The following OCA2 variants were observed in gnomAD, a reference collection of about 807,000 sequenced individuals.
OCA2 encodes P protein.
OCA2 carries 77 observed loss-of-function variants against 100.2 expected under a neutral mutation model. The ratio of observed to expected loss-of-function variants is 0.77; its 90% CI spans 0.64 to 0.93. The LOEUF (loss-of-function observed/expected upper bound fraction) is 0.93. Ranked by LOEUF, OCA2 falls within the 40% of genes least tolerant of loss-of-function variation. The pLI is 0.00. For missense variants in OCA2, 1,062 were observed against 1,089.1 expected (o/e 0.98, Z 0.35); for synonymous variants, 432 against 439.2 (o/e 0.98, Z 0.21).
In OCA2 at chr15:27,917,533, C is replaced by A. The variant is rs574853271; in HGVS notation, c.2079+8594G>T. On this transcript the variant is annotated intron_variant, in intron 19 of 23. Coordinates refer to ENST00000354638, the MANE Select transcript of OCA2 (RefSeq NM_000275.3). ...ATCTCTGAGCATCCCCACTGGAGTG[C>A]TCTCATGGTCCTGTGATATTCATGG... Among the ~76,000 whole-genome samples, 8 of 152,314 alleles carry A rather than the reference C, an allele frequency of 5.3e-5. No individual in the cohort carries two copies. In the South Asian group the frequency reaches 1.7e-3, roughly 32 times the overall value.
chr15:28,056,937 G>A (rs1000000182), intron 2 of OCA2, among the ~76,000 whole-genome samples: 1 of 152,250 alleles, frequency 6.6e-6, no homozygotes, highest in Admixed American at 6.5e-5. Context: ...TGCCTCTGGT[G>A]CATGTGTGAC....
chr15:28,068,577 C>T (rs1354138267), intron 2 of OCA2, among the ~76,000 whole-genome samples: 1 of 152,236 alleles, frequency 6.6e-6, no homozygotes, highest in Non-Finnish European at 1.5e-5. Flanking sequence ...AGGGGCTCTG[C>T]CCCAACTCAC....
chr15:28,084,129 C>T (rs1287583007), intron 1 of OCA2, among the ~76,000 whole-genome samples: 1 of 152,166 alleles, frequency 6.6e-6, no homozygotes, highest in African/African-American at 2.4e-5. Context: ...GAGCTCAGCT[C>T]CTCTCTCCAC....
At chr15:27,943,396 A>T (rs897086253) in intron 18 of OCA2, among the ~76,000 whole-genome samples, 1 of 152,184 alleles carries the variant, frequency 6.6e-6, no homozygotes, top group African/African-American at 2.4e-5. Context: ...AAAGAAATCA[A>T]AGTATTTTAC....
intron 2 of OCA2, among the ~76,000 whole-genome samples, chr15:28,038,429 C>T (rs933670939): frequency 1.4e-4 from 21 of 152,108 alleles, no homozygotes; most frequent in Admixed American, 9.2e-4. Flanking sequence ...TTAAGTGTAA[C>T]GTAACACAGA....
At chr15:27,901,601 A>C (rs1298426532) in intron 19 of OCA2, among the ~76,000 whole-genome samples, 1 of 152,210 alleles carries the variant, frequency 6.6e-6, no homozygotes. Flanking sequence ...CTACCTCGCA[A>C]GGAGGGTGGA....
chr15:28,017,159 A>C (rs1462117912), intron 7 of OCA2, among the ~76,000 whole-genome samples: 1 of 152,182 alleles, frequency 6.6e-6, no homozygotes. Context: ...GGTCAAAGCA[A>C]AGAAGCACAC....
At chr15:28,026,345 T>C (rs1451604668) in intron 4 of OCA2, among the ~76,000 whole-genome samples, 1 of 152,182 alleles carries the variant, frequency 6.6e-6, no homozygotes, top group Non-Finnish European at 1.5e-5. Flanking sequence ...TGGTTACCCG[T>C]CCAGCTGGGA....
intron 2 of OCA2, among the ~76,000 whole-genome samples, chr15:28,034,295 A>G (rs1409771918): frequency 6.6e-6 from 1 of 152,154 alleles, no homozygotes; most frequent in Non-Finnish European, 1.5e-5. Flanking sequence ...TTAAAAAAAG[A>G]AACAAAAATC....
At chr15:27,807,139 T>G (rs555579719) in intron 23 of OCA2, among the ~76,000 whole-genome samples, 7 of 152,292 alleles carry the variant, frequency 4.6e-5, no homozygotes, top group African/African-American at 1.7e-4. Context: ...ACGGGCAGCC[T>G]GGGTGATGCT....
At chr15:27,993,180 T>C (rs887365663) in intron 9 of OCA2, among the ~76,000 whole-genome samples, 3 of 152,086 alleles carry the variant, frequency 2.0e-5, no homozygotes, top group South Asian at 2.1e-4. Context: ...GTCAGCAGGA[T>C]TGGATAGCAG....
chr15:28,029,342 G>A (rs2042846706), intron 3 of OCA2, among the ~76,000 whole-genome samples: 2 of 152,142 alleles, frequency 1.3e-5, no homozygotes, highest in Non-Finnish European at 2.9e-5. Flanking sequence ...ACTGGAAAAT[G>A]CTCAGGTGTG....
intron 19 of OCA2, among the ~76,000 whole-genome samples, chr15:27,892,727 T>G (rs906777271): frequency 2.0e-5 from 3 of 152,120 alleles, no homozygotes; most frequent in African/African-American, 7.2e-5. Context: ...AGAAATCTAT[T>G]GAGTTAATAT....
At chr15:27,849,976 C>T (rs1010140824) in intron 22 of OCA2, among the ~76,000 whole-genome samples, 6 of 152,142 alleles carry the variant, frequency 3.9e-5, no homozygotes, top group Non-Finnish European at 7.3e-5. Context: ...TAGATTAAAA[C>T]GCTCCCAAGA....
chr15:27,734,919 C>T, the OCA2 span, among the ~76,000 whole-genome samples: 10 of 152,208 alleles, frequency 6.6e-5, no homozygotes, highest in African/African-American at 1.9e-4. Context: ...TCTTGAAATG[C>T]ACAAACATCA....
chr15:27,965,505 G>A (rs2040535622), intron 15 of OCA2, among the ~76,000 whole-genome samples: 2 of 152,156 alleles, frequency 1.3e-5, no homozygotes, highest in African/African-American at 4.8e-5. Context: ...AAGTCACACA[G>A]ATCTGTCTTG....
chr15:27,808,882 G>A (rs531620620), intron 23 of OCA2, among the ~76,000 whole-genome samples: 4 of 152,298 alleles, frequency 2.6e-5, no homozygotes, highest in South Asian at 2.1e-4. Context: ...TCCTGCTCCC[G>A]TCTCTTCTAG....
At chr15:27,790,091 G>T (rs907240965) in intron 23 of OCA2, among the ~76,000 whole-genome samples, 2 of 149,960 alleles carry the variant, frequency 1.3e-5, no homozygotes, top group Non-Finnish European at 2.9e-5. Context: ...TCAACAATAA[G>T]AAAATAATCC....
At chr15:28,082,332 C>T (rs112461534) in intron 1 of OCA2, among the ~76,000 whole-genome samples, 2,961 of 152,230 alleles carry the variant, frequency 0.019, 97 homozygotes, top group African/African-American at 0.066. Flanking sequence ...TGGATACTTT[C>T]GATGTTTTGG....
Sources: gnomAD v4.1 joint callset for allele counts (sites outside exome capture counted in the v4.1 genomes callset) on GRCh38, gnomAD v4.1.1 for gene constraint, MANE v1.5 for transcripts, NCBI Gene and HGNC (gene_info 2026-07-23, HGNC 2026-07-21) for gene names.